Variants in IRAK1BP1 observed in about 807,000 individuals in gnomAD.
IRAK1BP1 encodes interleukin 1 receptor associated kinase 1 binding protein 1.
A neutral mutation model predicts 28.0 loss-of-function variants in IRAK1BP1; 24 were observed. That is an observed-to-expected ratio of 0.86 (90% CI 0.62 to 1.20). The LOEUF is 1.20. Ranked by LOEUF, IRAK1BP1 falls within the 50% of genes most tolerant of loss-of-function variation. The pLI, the probability that IRAK1BP1 is intolerant of heterozygous loss-of-function variation, is 0.00. For missense variants in IRAK1BP1, 336 were observed against 316.7 expected (o/e 1.06, Z -0.46); for synonymous variants, 131 against 116.3 (o/e 1.13, Z -0.81).
At chr6:78,941,599 G>C (rs187699755) in intron 4 of IRAK1BP1, among the ~76,000 whole-genome samples, 3 of 152,132 alleles carry the variant, frequency 2.0e-5, no homozygotes, top group Non-Finnish European at 4.4e-5. Context: ...TTGTGATTGA[G>C]TATAAAGCTG....
At chr6:78,955,470 T>C in the IRAK1BP1 span, 6 of 552,922 alleles carry the variant, frequency 1.1e-5, no homozygotes, top group Non-Finnish European at 1.9e-5. Flanking sequence ...AAGAATATTC[T>C]ACTGCCAGTT....
At chr6:78,896,026 T>A (rs1432520959) in intron 2 of IRAK1BP1, among the ~76,000 whole-genome samples, 1 of 152,176 alleles carries the variant, frequency 6.6e-6, no homozygotes. Flanking sequence ...GGGATAAATC[T>A]GTTATAAAGA....
chr6:78,898,192 A>G lies in IRAK1BP1; in HGVS notation c.641A>G (p.Gln214Arg), dbSNP rs1771964816. The change falls in exon 4 of 4, where the codon CAA becomes CGA. Residue 214 changes from glutamine (Q) to arginine (R), a missense_variant. Transcript: ENST00000369940. ...GAAGAAACAAAAGAATGGGAAGGCC[A>G]AATAGATGATCACCAGTCATCCAGA... ...KEEETKEWEG[Q>R]IDDHQSSRLS... 2 of 1,613,850 alleles carry G rather than the reference A, an allele frequency of 1.2e-6. No homozygotes were observed. Among genetic ancestry groups the G allele is most frequent in the Non-Finnish European group, 1.7e-6 (2 of 1,179,952 alleles).
At chr6:78,872,916 A>T in intron 1 of IRAK1BP1, among the ~76,000 whole-genome samples, 1 of 152,088 alleles carries the variant, frequency 6.6e-6, no homozygotes, top group Middle Eastern at 3.4e-3. Flanking sequence ...CCATTTTTCT[A>T]TTGTCTTTAC....
At chr6:78,974,203 G>A in the IRAK1BP1 span, among the ~76,000 whole-genome samples, 1 of 152,120 alleles carries the variant, frequency 6.6e-6, no homozygotes, top group Non-Finnish European at 1.5e-5. Context: ...AATCAAACTA[G>A]AATTCAGGAT....
chr6:78,882,841 T>C (rs569658524), intron 1 of IRAK1BP1, among the ~76,000 whole-genome samples: 1 of 152,318 alleles, frequency 6.6e-6, no homozygotes, highest in Non-Finnish European at 1.5e-5. Flanking sequence ...GGCTTTTTAG[T>C]TTAGACAGAT....
At chr6:78,907,553 A>C (rs1358087833), downstream of IRAK1BP1, among the ~76,000 whole-genome samples, 2 of 152,278 alleles carry the variant, frequency 1.3e-5, no homozygotes, top group East Asian at 3.9e-4. Flanking sequence ...CCAGAGACCC[A>C]TTTAATCCAT....
intron 4 of IRAK1BP1, among the ~76,000 whole-genome samples, chr6:78,925,248 C>A (rs1772855562): frequency 1.3e-5 from 2 of 151,730 alleles, no homozygotes; most frequent in Non-Finnish European, 2.9e-5. Context: ...TACGGCACAC[C>A]AACATGGCAC....
intron 2 of IRAK1BP1, among the ~76,000 whole-genome samples, chr6:78,890,639 A>G (rs967482825): frequency 6.6e-6 from 1 of 152,336 alleles, no homozygotes; most frequent in Admixed American, 6.5e-5. Flanking sequence ...AGAAAGAAAA[A>G]TAGTTCACAA....
At chr6:78,945,677 T>A in exon 5 of IRAK1BP1, 1 of 619,694 alleles carries the variant, frequency 1.6e-6, no homozygotes, top group Non-Finnish European at 2.8e-6. Flanking sequence ...CTCTTAATAG[T>A]TTCAGCCCTT....
the IRAK1BP1 span, among the ~76,000 whole-genome samples, chr6:78,974,079 T>A: frequency 1.3e-5 from 2 of 152,154 alleles, no homozygotes; most frequent in African/African-American, 4.8e-5. Context: ...ATACATTTTT[T>A]TCAGCACCAC....
intron 4 of IRAK1BP1, among the ~76,000 whole-genome samples, chr6:78,933,998 T>G (rs1389184878): frequency 6.6e-6 from 1 of 152,100 alleles, no homozygotes; most frequent in African/African-American, 2.4e-5. Context: ...ATAGCTAGCT[T>G]TTGATGAAAG....
chr6:78,921,783 C>T (rs1025225138), intron 4 of IRAK1BP1, among the ~76,000 whole-genome samples: 1 of 152,222 alleles, frequency 6.6e-6, no homozygotes, highest in Non-Finnish European at 1.5e-5. Flanking sequence ...TGCTGTTCTG[C>T]AGCCTCTGCT....
At chr6:78,927,354 T>C (rs758255198) in intron 4 of IRAK1BP1, among the ~76,000 whole-genome samples, 16 of 152,240 alleles carry the variant, frequency 1.1e-4, no homozygotes, top group Admixed American at 3.9e-4. Context: ...TTCTGAGAAA[T>C]GTCTATTCAA....
intron 2 of IRAK1BP1, among the ~76,000 whole-genome samples, chr6:78,897,201 T>C (rs1771915278): frequency 2.1e-5 from 3 of 146,020 alleles, no homozygotes; most frequent in Non-Finnish European, 1.5e-5. Context: ...TGCAGTGAGC[T>C]ATGATAATGC....
chr6:78,947,690 T>C, downstream of IRAK1BP1: 1 of 1,548,882 alleles, frequency 6.5e-7, no homozygotes, highest in Non-Finnish European at 8.9e-7. Flanking sequence ...TTTACATAAC[T>C]CCATTGGTGA....
chr6:78,908,343 C>T (rs1398968188), intron 4 of IRAK1BP1, among the ~76,000 whole-genome samples: 1 of 152,102 alleles, frequency 6.6e-6, no homozygotes. Flanking sequence ...AGCCACCACA[C>T]TCGGCCATTA....
chr6:78,969,149 A>T, the IRAK1BP1 span, among the ~76,000 whole-genome samples: 1 of 152,254 alleles, frequency 6.6e-6, no homozygotes, highest in Non-Finnish European at 1.5e-5. Flanking sequence ...ATAGCTTCCA[A>T]ATTTTCCTAA....
Position 78,902,412 on chromosome 6 carries a change from T to A in IRAK1BP1, c.*4078T>A, listed in dbSNP as rs9343846. The A allele has an allele frequency of 0.89, 136,438 of 152,900 alleles. 60,907 individuals carry two copies. The highest frequency in any genetic ancestry group is 0.9 in the Admixed American group (13,849 of 15,314). 9.5% of individuals were successfully genotyped at this position (152,900 alleles called of 1,614,324 possible). ...CTTCCCAGAGTGCTGGACTACAGGC[T>A]TGAGCCACTGCACCCAGCCCCAAAT... On this transcript the variant is annotated 3_prime_UTR_variant, in exon 4 of 4. Transcript: ENST00000369940.
Sources: gnomAD v4.1 joint callset for allele counts (sites outside exome capture counted in the v4.1 genomes callset) on GRCh38, gnomAD v4.1.1 for gene constraint, MANE v1.5 for transcripts, NCBI Gene and HGNC (gene_info 2026-07-23, HGNC 2026-07-21) for gene names.